Variants in FHIP1A observed in about 807,000 individuals in gnomAD.
FHIP1A encodes the protein FHF complex subunit HOOK-interacting protein 1A.
Under a neutral mutation model 88.6 loss-of-function variants are expected in FHIP1A, and 61 were observed. That is an observed-to-expected ratio of 0.69 (90% CI 0.56 to 0.85). The LOEUF is 0.85. Among genes scored for constraint, FHIP1A ranks in the 40% least tolerant of loss-of-function variants. The pLI is 0.00. For synonymous variants in FHIP1A, 478 were observed against 496.0 expected (o/e 0.96, Z 0.48); for missense variants, 1,154 against 1,273.5 (o/e 0.91, Z 1.43).
chr4:151,457,724 C>T (rs1318183318), intron 2 of FHIP1A, among the ~76,000 whole-genome samples: 5 of 152,102 alleles, frequency 3.3e-5, no homozygotes, highest in Admixed American at 2.0e-4. Flanking sequence ...AACTCCCCTT[C>T]CGCCCCTTTT....
intron 4 of FHIP1A, 124 bp from the exon 5 acceptor site, chr4:151,577,326 C>A: frequency 1.3e-6 from 1 of 791,014 alleles, no homozygotes. Flanking sequence ...CACACAATGC[C>A]CACACATATC....
chr4:151,497,857 C>T (rs1483283736), intron 3 of FHIP1A, among the ~76,000 whole-genome samples: 4 of 152,156 alleles, frequency 2.6e-5, no homozygotes, highest in Non-Finnish European at 5.9e-5. Context: ...TAAGTTTTAG[C>T]GAGAATTCTG....
intron 5 of FHIP1A, among the ~76,000 whole-genome samples, chr4:151,584,752 C>T (rs1166006611): frequency 6.6e-6 from 1 of 152,178 alleles, no homozygotes; most frequent in Non-Finnish European, 1.5e-5. Flanking sequence ...TGTAATTCTG[C>T]ACTCTAACAA....
chr4:151,489,373 G>C (rs1256438370), intron 3 of FHIP1A, among the ~76,000 whole-genome samples: 1 of 152,204 alleles, frequency 6.6e-6, no homozygotes, highest in East Asian at 1.9e-4. Context: ...CAGAATTGGG[G>C]AGGGGCCACA....
At position 151,650,180 on chromosome 4, in the gene FHIP1A, G is replaced by A; in HGVS notation, c.2139G>A (p.Lys713=). ...TTCACAGTGAGCCCAAGGAGCCAAAGCAAGAGAGGGAACCTGAAGCAGCCC... is the reference window on the plus strand; with the variant it reads ...TTCACAGTGAGCCCAAGGAGCCAAAACAAGAGAGGGAACCTGAAGCAGCCC... The part of the protein sequence containing the change: ...DPFHSEPKEP[K]QEREPEAAPE... Residue 713 remains lysine, a synonymous_variant, in exon 11 of 14, where the codon AAG becomes AAA. Transcript: ENST00000435205. 6.4e-7 allele frequency: 1 copy of A among 1,551,714 alleles called. No homozygotes were observed. The highest frequency in any genetic ancestry group is 8.7e-7 in the Non-Finnish European group (1 of 1,146,990).
At position 151,656,533 on chromosome 4, in the gene FHIP1A, C is replaced by G; in HGVS notation, c.2730+123C>G. ...GCTCTAATTCATTTGCTTTCCTTCC[C>G]TGTCCTATTAAGCTCACTGTGTAGT... On this transcript the variant is annotated intron_variant, in intron 12 of 13. Transcript: ENST00000435205. This position sits in a 1 kb window ranked among gnomAD's most constrained non-coding sequence, Gnocchi z 4.2. 9.1e-7 allele frequency: 1 copy of G among 1,099,092 alleles called. No individual in the cohort carries two copies. The highest frequency in any genetic ancestry group is 1.6e-5 in the South Asian group (1 of 62,408). The allele number at this position is 1,099,092 out of a possible 1,614,324, so 68.1% of individuals were successfully genotyped here.
intron 8 of FHIP1A, among the ~76,000 whole-genome samples, chr4:151,637,358 C>G (rs1173227422): frequency 2.0e-5 from 3 of 152,098 alleles, no homozygotes; most frequent in Non-Finnish European, 4.4e-5. Context: ...GGGACAACAG[C>G]AGGAACTTGA....
In FHIP1A at chr4:151,650,193, C is replaced by A; in HGVS notation, c.2152C>A (p.Pro718Thr). The change falls in exon 11 of 14, where the codon CCT (proline) becomes ACT (threonine). Residue 718 changes from proline to threonine, a missense_variant. Pro to Thr is a conservative substitution (Grantham distance 38). Transcript: ENST00000435205. ...EPKEPKQERE[P>T]EAAPESNSEL... ...CAAGGAGCCAAAGCAAGAGAGGGAACCTGAAGCAGCCCCAGAATCCAACTC... is the reference window on the plus strand; with the variant it reads ...CAAGGAGCCAAAGCAAGAGAGGGAAACTGAAGCAGCCCCAGAATCCAACTC... 1 of 1,551,710 alleles carries A rather than the reference C, an allele frequency of 6.4e-7. No homozygotes were observed. Among genetic ancestry groups the A allele is most frequent in the Non-Finnish European group, 8.7e-7 (1 of 1,147,000 alleles).
intron 5 of FHIP1A, among the ~76,000 whole-genome samples, chr4:151,581,149 C>T (rs926944557): frequency 6.6e-5 from 10 of 152,172 alleles, no homozygotes; most frequent in African/African-American, 1.9e-4. Flanking sequence ...TGAGCCACTG[C>T]GCCCGTCCAG....
At position 151,524,103 on chromosome 4, in the gene FHIP1A, A is replaced by C. The variant is rs193077642; in HGVS notation, c.-123+41455A>C. Reference sequence around the variant, plus strand: ...GAGGCGGGCAGATCATGAGGTCAGGAGATCGAGACCATCCTGGCTAACACA... The same window carrying C: ...GAGGCGGGCAGATCATGAGGTCAGGCGATCGAGACCATCCTGGCTAACACA... On this transcript the variant is annotated intron_variant, in intron 3 of 13. Coordinates refer to ENST00000435205, the MANE Select transcript of FHIP1A (RefSeq NM_001109977.3). Among the ~76,000 whole-genome samples, 230 of 152,246 alleles carry C rather than the reference A, an allele frequency of 1.5e-3. 2 individuals carry two copies. In the East Asian group the frequency reaches 0.04, roughly 27 times the overall value.
intron 3 of FHIP1A, among the ~76,000 whole-genome samples, chr4:151,561,524 C>T (rs963999972): frequency 1.3e-5 from 2 of 152,170 alleles, no homozygotes; most frequent in African/African-American, 4.8e-5. Flanking sequence ...ATGAAACACC[C>T]TCCTCAATAC....
chr4:151,539,562 T>TAAAAA (rs1215200409), intron 3 of FHIP1A, among the ~76,000 whole-genome samples: 1 of 102,554 alleles, frequency 9.8e-6, no homozygotes, highest in African/African-American at 3.9e-5. Flanking sequence ...AGACTCTGTC[T>TAAAAA]AAAAAAAAAA....
intron 3 of FHIP1A, among the ~76,000 whole-genome samples, chr4:151,491,712 A>C (rs968824341): frequency 5.9e-5 from 9 of 152,204 alleles, no homozygotes; most frequent in Admixed American, 4.6e-4. Flanking sequence ...AGAATGGATA[A>C]AAATCCACCA....
chr4:151,516,843 C>A (rs976121698), intron 3 of FHIP1A, among the ~76,000 whole-genome samples: 1 of 151,516 alleles, frequency 6.6e-6, no homozygotes, highest in Non-Finnish European at 1.5e-5. Flanking sequence ...AACACTTTTC[C>A]ACTGTTGGTG....
At chr4:151,450,788 T>G (rs981656191) in intron 1 of FHIP1A, among the ~76,000 whole-genome samples, 1 of 152,174 alleles carries the variant, frequency 6.6e-6, no homozygotes, top group African/African-American at 2.4e-5. Flanking sequence ...CTCGTCTTTT[T>G]TTTTTCTGAG....
intron 3 of FHIP1A, among the ~76,000 whole-genome samples, chr4:151,523,529 TAA>T (rs926254355): frequency 2.0e-5 from 3 of 152,162 alleles, no homozygotes; most frequent in Non-Finnish European, 4.4e-5. Context: ...TAAACAATCA[TAA>T]GTTTTTAAAG....
rs762112920 is a variant in FHIP1A at position 151,577,917 on chromosome 4, C to T, written c.573C>T (p.Gly191=). ...TCTTCCACACTAGTGAAGACCAAGG[C>T]GCTGCCAACTTCCTCATCTTCTCCC... ...ELFFHTSEDQ[G]AANFLIFSLL... The change falls in exon 5 of 14, where the codon GGC becomes GGT. Residue 191 remains glycine, a synonymous_variant. Coordinates refer to ENST00000435205, the MANE Select transcript of FHIP1A (RefSeq NM_001109977.3). 20 of 1,551,566 alleles carry T rather than the reference C, an allele frequency of 1.3e-5. No homozygotes were observed. In the Admixed American group the frequency reaches 1.6e-4, roughly 12 times the overall value.
intron 4 of FHIP1A, among the ~76,000 whole-genome samples, chr4:151,572,450 AT>A (rs1733633385): frequency 6.6e-6 from 1 of 152,224 alleles, no homozygotes; most frequent in Admixed American, 6.5e-5. Context: ...GTGAATACGT[AT>A]TATAAAGCTG....
At chr4:151,577,406 A>G in intron 4 of FHIP1A, 44 bp from the exon 5 acceptor site, 3 of 1,470,558 alleles carry the variant, frequency 2.0e-6, no homozygotes, top group Middle Eastern at 1.8e-4. Context: ...TTTTGTAATT[A>G]TGATAAACAT....
Sources: gnomAD v4.1 joint callset for allele counts (sites outside exome capture counted in the v4.1 genomes callset) on GRCh38, gnomAD v4.1.1 for gene constraint, Gnocchi (gnomAD v3.1) non-coding constraint, MANE v1.5 for transcripts, NCBI Gene and HGNC (gene_info 2026-07-23, HGNC 2026-07-21) for gene names.